CTNNA2: variants seen among roughly 807,000 people sequenced by gnomAD.
The protein encoded by CTNNA2 is catenin alpha-2.
A neutral mutation model predicts 101.0 loss-of-function variants in CTNNA2; 42 were observed. That is an observed-to-expected ratio of 0.42 (90% CI 0.32 to 0.54). CTNNA2 has a LOEUF of 0.54. Among genes scored for constraint, CTNNA2 ranks in the 20% least tolerant of loss-of-function variants. The probability of loss-of-function intolerance (pLI) is 0.14; values close to 1 mark genes in which losing one functional copy is unlikely to be tolerated. For synonymous variants in CTNNA2, 450 were observed against 456.4 expected, an observed-to-expected ratio of 0.99 and a Z score of 0.18; for missense variants, 871 against 1,223.1, an observed-to-expected ratio of 0.71 and a Z score of 4.29.
At chr2:80,019,174 C>G (rs758865679) in intron 7 of CTNNA2, among the ~76,000 whole-genome samples, 92 of 152,124 alleles carry the variant, frequency 6.0e-4, no homozygotes, top group Middle Eastern at 6.8e-3. Context: ...GACTTTTTAC[C>G]ATCTGTGGAT....
intron 7 of CTNNA2, among the ~76,000 whole-genome samples, chr2:80,114,943 G>A (rs1235738884): frequency 2.6e-5 from 4 of 152,184 alleles, no homozygotes; most frequent in Non-Finnish European, 1.5e-5. Context: ...GTGGACTTCC[G>A]AGAGCAGACT....
At chr2:79,194,083 C>T (rs563263903) in intron 1 of CTNNA2, among the ~76,000 whole-genome samples, 2 of 152,214 alleles carry the variant, frequency 1.3e-5, no homozygotes, top group African/African-American at 2.4e-5. Flanking sequence ...GTTATGTATT[C>T]GGAGGCATGA....
rs147029773 is a variant in CTNNA2 at position 80,161,118 on chromosome 2, C to T, written c.1057-232093C>T. Among the ~76,000 whole-genome samples the T allele has an allele frequency of 3.3e-5, 5 of 152,242 alleles. 1 individual carries two copies. In the East Asian group the frequency reaches 9.7e-4, roughly 29 times the overall value. The stretch of plus-strand genomic sequence containing the variant: ...GCAGTGCAGGGATGTGATCTTGGCT[C>T]ACTGAAACCTCCCCGCCTCCTGGAG... On this transcript the variant is annotated intron_variant, in intron 7 of 18. Transcript: ENST00000402739.
rs10674928 is a variant in CTNNA2 at position 79,682,410 on chromosome 2, C to CAAA, written c.102+30772_102+30774dup. On this transcript the variant is annotated intron_variant, in intron 2 of 18. Transcript: ENST00000402739. The stretch of plus-strand genomic sequence containing the variant: ...TGGGTGACAGAGCGAAACTCCATCT[C>CAAA]AAAAAAAAAAAAAAAAAAAAAAGAA... 5.0e-3 allele frequency among the ~76,000 whole-genome samples: 361 copies of CAAA among 71,864 alleles called. 5 individuals carry two copies. The highest frequency in any genetic ancestry group is 8.9e-3 in the Admixed American group (49 of 5,494). The allele number at this position is 71,864 out of a possible 152,430, so 47.1% of individuals were successfully genotyped here.
intron 4 of CTNNA2, among the ~76,000 whole-genome samples, chr2:79,412,800 T>C (rs1678431681): frequency 6.6e-6 from 1 of 151,882 alleles, no homozygotes; most frequent in African/African-American, 2.4e-5. Flanking sequence ...AGAAACTGGA[T>C]GGTGAAGGGA....
intron 17 of CTNNA2, among the ~76,000 whole-genome samples, chr2:80,609,511 A>G (rs1458081043): frequency 6.6e-6 from 1 of 151,698 alleles, no homozygotes; most frequent in Admixed American, 6.6e-5. Context: ...TCCTGCTTCA[A>G]CATTCTTCAG....
At position 80,140,447 on chromosome 2, in the gene CTNNA2, T is replaced by G. The variant is rs186312251; in HGVS notation, c.1056+230650T>G. Among the ~76,000 whole-genome samples, 829 of 152,244 alleles carry G rather than the reference T, an allele frequency of 5.4e-3. 9 individuals carry two copies. The highest frequency in any genetic ancestry group is 8.9e-3 in the Non-Finnish European group (603 of 68,014). On this transcript the variant is annotated intron_variant, in intron 7 of 18. Coordinates refer to ENST00000402739, the MANE Select transcript of CTNNA2 (RefSeq NM_001282597.3). ...AGCTTCAGGGTTTCAGGCCACCTTT[T>G]GGATCCAACATGGTCTTAAGTCCAT...
chr2:79,307,509 C>T (rs1676275120), intron 2 of CTNNA2, among the ~76,000 whole-genome samples: 1 of 152,190 alleles, frequency 6.6e-6, no homozygotes, highest in African/African-American at 2.4e-5. Flanking sequence ...TTTCACATAA[C>T]ATAATGTCCT....
chr2:79,838,227 G>T lies in CTNNA2; in HGVS notation c.299-19786G>T, dbSNP rs1299039783. Reference sequence around the variant, plus strand: ...ATTTAATGAAAGTTGAGGGTTTAATGAAAGGATTTAAAGTGTATTATTTGG... The same window carrying T: ...ATTTAATGAAAGTTGAGGGTTTAATTAAAGGATTTAAAGTGTATTATTTGG... On this transcript the variant is annotated intron_variant, in intron 3 of 18. Transcript: ENST00000402739. 2.0e-5 allele frequency among the ~76,000 whole-genome samples: 3 copies of T among 152,130 alleles called. No individual in the cohort carries two copies. The East Asian group carries it at 5.8e-4, about 29-fold the overall frequency.
intron 7 of CTNNA2, among the ~76,000 whole-genome samples, chr2:80,155,114 C>G (rs552270210): frequency 3.3e-5 from 5 of 152,168 alleles, no homozygotes; most frequent in Admixed American, 3.3e-4. Flanking sequence ...TGCATTTAAT[C>G]TATTGCCACA....
chr2:80,008,311 A>C (rs1259419460), intron 7 of CTNNA2, among the ~76,000 whole-genome samples: 1 of 152,098 alleles, frequency 6.6e-6, no homozygotes, highest in Non-Finnish European at 1.5e-5. Context: ...CTGTGCTCTT[A>C]AGGAGGATTT....
intron 4 of CTNNA2, among the ~76,000 whole-genome samples, chr2:79,863,527 T>A (rs958899916): frequency 9.2e-5 from 14 of 152,128 alleles, no homozygotes; most frequent in African/African-American, 3.4e-4. Context: ...ATCACAGAGT[T>A]GAGGGATGAA....
At chr2:80,519,351 A>G (rs1689345793) in intron 9 of CTNNA2, among the ~76,000 whole-genome samples, 1 of 152,184 alleles carries the variant, frequency 6.6e-6, no homozygotes. Context: ...CGAAAAAGTG[A>G]CAAGATCATT....
chr2:79,413,281 G>A (rs1418729998), intron 4 of CTNNA2, among the ~76,000 whole-genome samples: 5 of 151,996 alleles, frequency 3.3e-5, no homozygotes, highest in African/African-American at 1.2e-4. Context: ...CTCATTTAGA[G>A]TCTATATACA....
chr2:80,459,700 T>G (rs910817002), intron 9 of CTNNA2, among the ~76,000 whole-genome samples: 1 of 152,144 alleles, frequency 6.6e-6, no homozygotes, highest in African/African-American at 2.4e-5. Context: ...TTTTGCTTCC[T>G]TTTCCTCCTG....
At chr2:79,505,682 C>G (rs1303503516) in intron 5 of CTNNA2, among the ~76,000 whole-genome samples, 3 of 152,156 alleles carry the variant, frequency 2.0e-5, no homozygotes, top group Non-Finnish European at 2.9e-5. Flanking sequence ...AGATTAACCT[C>G]AGGCTAAAGC....
At chr2:79,642,975 A>G (rs899816469) in intron 1 of CTNNA2, among the ~76,000 whole-genome samples, 7 of 151,972 alleles carry the variant, frequency 4.6e-5, no homozygotes, top group African/African-American at 1.7e-4. Flanking sequence ...GGCAGATCAC[A>G]AGGTCAAGAG....
At chr2:79,499,448 T>C (rs183566790) in intron 4 of CTNNA2, among the ~76,000 whole-genome samples, 29 of 152,272 alleles carry the variant, frequency 1.9e-4, no homozygotes, top group African/African-American at 5.8e-4. Flanking sequence ...CAGCGATCTG[T>C]TGAAAATTAA....
At chr2:80,531,606 A>G (rs62141598) in intron 9 of CTNNA2, among the ~76,000 whole-genome samples, 24,980 of 152,148 alleles carry the variant, frequency 0.16, 2,273 homozygotes, top group Middle Eastern at 0.28. Flanking sequence ...GGTGGAGAAT[A>G]TCCTAGAGGT....
Sources: allele counts gnomAD v4.1 joint callset (sites outside exome capture counted in the v4.1 genomes callset), GRCh38; gene constraint gnomAD v4.1.1; transcripts MANE v1.5; gene names NCBI Gene and HGNC (gene_info 2026-07-23, HGNC 2026-07-21).